Variants in RNGTT observed in about 807,000 individuals in gnomAD.
RNGTT encodes the protein mRNA-capping enzyme.
A neutral mutation model predicts 79.3 loss-of-function variants in RNGTT; 33 were observed. The ratio of observed to expected loss-of-function variants is 0.42; its 90% CI spans 0.32 to 0.56. The LOEUF is 0.56. Ranked by LOEUF, RNGTT falls within the 20% of genes least tolerant of loss-of-function variation. The pLI, the probability that RNGTT is intolerant of heterozygous loss-of-function variation, is 0.17. For missense variants in RNGTT, 497 were observed against 739.1 expected, an observed-to-expected ratio of 0.67 and a Z score of 3.80; for synonymous variants, 222 against 235.9, an observed-to-expected ratio of 0.94 and a Z score of 0.54.
chr6:88,772,220 T>C (rs576135628), intron 12 of RNGTT, among the ~76,000 whole-genome samples: 47 of 150,402 alleles, frequency 3.1e-4, no homozygotes, highest in African/African-American at 1.1e-3. Context: ...GAACAAAATA[T>C]GTAGGAATTA....
chr6:88,830,926 T>C lies in RNGTT; in HGVS notation c.1269+13431A>G, dbSNP rs538279461. Among the ~76,000 whole-genome samples the C allele has an allele frequency of 7.2e-5, 11 of 152,304 alleles. No individual in the cohort carries two copies. In the East Asian group the frequency reaches 1.9e-3, roughly 27 times the overall value. ...CCCTGAATAGACCAATAATAAGTTC[T>C]GAAACTGAGGCAGTAATTAATAGCC... On this transcript the variant is annotated intron_variant, in intron 11 of 15. Coordinates refer to ENST00000369485, the MANE Select transcript of RNGTT (RefSeq NM_003800.5).
intron 13 of RNGTT, among the ~76,000 whole-genome samples, chr6:88,734,446 A>C (rs1777218282): frequency 6.6e-6 from 1 of 152,164 alleles, no homozygotes; most frequent in Non-Finnish European, 1.5e-5. Context: ...AAACAGATAT[A>C]AACATGGTTG....
At chr6:88,807,816 G>C (rs1242345609) in intron 11 of RNGTT, among the ~76,000 whole-genome samples, 1 of 151,966 alleles carries the variant, frequency 6.6e-6, no homozygotes, top group African/African-American at 2.4e-5. Context: ...AGGGGGAAAA[G>C]ATTACAGGCA....
chr6:88,689,846 T>C (rs1775416996), intron 13 of RNGTT, among the ~76,000 whole-genome samples: 1 of 149,610 alleles, frequency 6.7e-6, no homozygotes, highest in Non-Finnish European at 1.5e-5. Flanking sequence ...AGTCTCAAAG[T>C]TTCTCCCCAG....
chr6:88,716,990 C>T (rs948389599), intron 13 of RNGTT, among the ~76,000 whole-genome samples: 1 of 152,088 alleles, frequency 6.6e-6, no homozygotes, highest in Non-Finnish European at 1.5e-5. Flanking sequence ...AAACTGAGCA[C>T]TCATTCCATT....
At chr6:88,750,933 C>G (rs1777820030) in intron 13 of RNGTT, among the ~76,000 whole-genome samples, 1 of 152,094 alleles carries the variant, frequency 6.6e-6, no homozygotes, top group South Asian at 2.1e-4. Context: ...GCATTTGGCA[C>G]AGTAATAGTT....
At chr6:88,918,124 C>G (rs945299348) in intron 4 of RNGTT, among the ~76,000 whole-genome samples, 2 of 151,982 alleles carry the variant, frequency 1.3e-5, no homozygotes, top group Non-Finnish European at 2.9e-5. Context: ...TCAAGACCAG[C>G]CTGGACAACA....
chr6:88,950,355 TTTTG>T (rs1785201653), intron 1 of RNGTT, among the ~76,000 whole-genome samples: 1 of 152,208 alleles, frequency 6.6e-6, no homozygotes, highest in African/African-American at 2.4e-5. Context: ...CCTATATTAT[TTTTG>T]TTTGTCTTTA....
At chr6:88,692,311 T>C (rs1055586858) in intron 13 of RNGTT, among the ~76,000 whole-genome samples, 2 of 152,152 alleles carry the variant, frequency 1.3e-5, no homozygotes, top group Non-Finnish European at 2.9e-5. Context: ...ATAAATGAAA[T>C]TGTATGTCCA....
At chr6:88,936,358 C>T (rs1182628353) in intron 2 of RNGTT, among the ~76,000 whole-genome samples, 5 of 151,846 alleles carry the variant, frequency 3.3e-5, no homozygotes, top group Non-Finnish European at 5.9e-5. Context: ...ACTTTTTTTC[C>T]AATTTGGGTG....
chr6:88,954,124 T>G (rs1017278108), intron 1 of RNGTT, among the ~76,000 whole-genome samples: 2 of 152,218 alleles, frequency 1.3e-5, no homozygotes, highest in African/African-American at 4.8e-5. Context: ...GAACAGTACC[T>G]TATCTCAATA....
intron 13 of RNGTT, among the ~76,000 whole-genome samples, chr6:88,711,767 G>A (rs1387608141): frequency 3.9e-5 from 6 of 152,194 alleles, no homozygotes; most frequent in Non-Finnish European, 8.8e-5. Flanking sequence ...TGGACAGGCA[G>A]TAAGGAGCAT....
rs117683943 is a variant in RNGTT at position 88,790,195 on chromosome 6, C to T, written c.1338+11369G>A. Reference sequence around the variant, plus strand: ...TACTAAGTACATGCAAAGAAGGACGCCAATGCAAGTCATTCCTGGTGCAGT... The same window carrying T: ...TACTAAGTACATGCAAAGAAGGACGTCAATGCAAGTCATTCCTGGTGCAGT... On this transcript the variant is annotated intron_variant, in intron 12 of 15. Coordinates refer to ENST00000369485, the MANE Select transcript of RNGTT (RefSeq NM_003800.5). 1.1e-3 allele frequency among the ~76,000 whole-genome samples: 175 copies of T among 152,216 alleles called. 4 individuals carry two copies. The East Asian group carries it at 0.031, about 27-fold the overall frequency.
chr6:88,860,058 G>A (rs900517330), intron 8 of RNGTT, among the ~76,000 whole-genome samples: 1 of 152,072 alleles, frequency 6.6e-6, no homozygotes, highest in Admixed American at 6.6e-5. Flanking sequence ...AACAGAATAG[G>A]GGTCAATCTG....
intron 12 of RNGTT, among the ~76,000 whole-genome samples, chr6:88,788,442 T>C (rs1376391885): frequency 6.6e-6 from 1 of 152,156 alleles, no homozygotes; most frequent in Non-Finnish European, 1.5e-5. Context: ...TATAGACTAA[T>C]GCTAAATGAT....
intron 13 of RNGTT, among the ~76,000 whole-genome samples, chr6:88,736,612 A>T (rs1366963407): frequency 2.0e-5 from 3 of 152,214 alleles, no homozygotes; most frequent in African/African-American, 7.2e-5. Context: ...ACTGTTAGGC[A>T]AAAAAGAACC....
At chr6:88,961,702 G>C (rs917009258) in intron 1 of RNGTT, among the ~76,000 whole-genome samples, 5 of 152,148 alleles carry the variant, frequency 3.3e-5, no homozygotes, top group Non-Finnish European at 7.3e-5. Context: ...TTGATGGTGG[G>C]ACTATCAAGT....
At chr6:88,949,983 A>G (rs1785186863) in intron 1 of RNGTT, among the ~76,000 whole-genome samples, 1 of 152,224 alleles carries the variant, frequency 6.6e-6, no homozygotes, top group African/African-American at 2.4e-5. Flanking sequence ...GCTTCAAAGG[A>G]CAGGCTGACT....
intron 13 of RNGTT, among the ~76,000 whole-genome samples, chr6:88,722,178 G>C (rs938886524): frequency 6.6e-6 from 1 of 151,048 alleles, no homozygotes; most frequent in Non-Finnish European, 1.5e-5. Context: ...AAAATGTTTA[G>C]AGTAAATTCA....
Sources: gnomAD v4.1 joint callset for allele counts (sites outside exome capture counted in the v4.1 genomes callset) on GRCh38, gnomAD v4.1.1 for gene constraint, MANE v1.5 for transcripts, NCBI Gene and HGNC (gene_info 2026-07-23, HGNC 2026-07-21) for gene names.